SKIC3: variants seen among roughly 807,000 people sequenced by gnomAD.
SKIC3 encodes SKI3 subunit of superkiller complex.
At chr5:95,490,434 TTAAA>T in the SKIC3 span, among the ~76,000 whole-genome samples, 2 of 147,702 alleles carry the variant, frequency 1.4e-5, no homozygotes, top group African/African-American at 2.5e-5. Context: ...TATATATTCA[TTAAA>T]TAATGTATAT....
the SKIC3 span, among the ~76,000 whole-genome samples, chr5:95,475,932 G>A: frequency 6.6e-5 from 10 of 152,304 alleles, no homozygotes; most frequent in Admixed American, 1.3e-4. Flanking sequence ...TGGTGATGGC[G>A]GGGACAGGAT....
the SKIC3 span, chr5:95,478,395 C>G: frequency 1.2e-6 from 2 of 1,613,872 alleles, no homozygotes; most frequent in Non-Finnish European, 1.7e-6. Context: ...TGTAACACAT[C>G]TCTGCAGCTC....
At chr5:95,523,194 T>G in the SKIC3 span, 3 of 1,613,714 alleles carry the variant, frequency 1.9e-6, no homozygotes, top group Non-Finnish European at 2.5e-6. Flanking sequence ...TACAATAAGG[T>G]GCCTTACTCA....
chr5:95,496,018 CT>C, the SKIC3 span, among the ~76,000 whole-genome samples: 1,841 of 142,306 alleles, frequency 0.013, 18 homozygotes, highest in African/African-American at 0.029. Context: ...CAATTTCTTT[CT>C]TTTTTTTTTT....
the SKIC3 span, among the ~76,000 whole-genome samples, chr5:95,507,541 C>G: frequency 6.6e-6 from 1 of 152,104 alleles, no homozygotes; most frequent in African/African-American, 2.4e-5. Flanking sequence ...GCTCAGTTCC[C>G]TATGGGCAGG....
At chr5:95,523,683 A>C in the SKIC3 span, 1 of 1,613,680 alleles carries the variant, frequency 6.2e-7, no homozygotes, top group African/African-American at 1.3e-5. Context: ...ACTTAGGTCA[A>C]CTGCTGCAGC....
chr5:95,535,763 AC>A, the SKIC3 span, among the ~76,000 whole-genome samples: 1 of 152,082 alleles, frequency 6.6e-6, no homozygotes, highest in Non-Finnish European at 1.5e-5. Flanking sequence ...GTAGTTTTCA[AC>A]CCTTTTTTCA....
the SKIC3 span, chr5:95,517,260 C>T: frequency 6.2e-7 from 1 of 1,613,280 alleles, no homozygotes; most frequent in Non-Finnish European, 8.5e-7. Context: ...AGCATACAGA[C>T]AGGTACAAGC....
At chr5:95,494,859 G>T in the SKIC3 span, 2 of 1,594,258 alleles carry the variant, frequency 1.3e-6, no homozygotes, top group Non-Finnish European at 1.7e-6. Flanking sequence ...CTGACTAAAA[G>T]ACTCTATTTG....
chr5:95,482,683 A>C, the SKIC3 span: 1 of 1,598,622 alleles, frequency 6.3e-7, no homozygotes, highest in East Asian at 2.2e-5. Context: ...TTAAGTGTTA[A>C]AAGTAAAAAG....
chr5:95,489,813 A>T, the SKIC3 span, among the ~76,000 whole-genome samples: 2 of 152,304 alleles, frequency 1.3e-5, no homozygotes, highest in Middle Eastern at 3.4e-3. Context: ...TCTTTCTTTT[A>T]ATCTGAAGAG....
At chr5:95,524,436 T>C in the SKIC3 span, 9 of 1,611,436 alleles carry the variant, frequency 5.6e-6, no homozygotes, top group South Asian at 7.7e-5. Context: ...CCATTTCAAC[T>C]AGGAATTGAA....
At chr5:95,537,042 C>T in the SKIC3 span, 50 of 1,613,196 alleles carry the variant, frequency 3.1e-5, 1 homozygote, top group South Asian at 5.3e-4. Flanking sequence ...AATCAACTTA[C>T]TTTGGATAAA....
the SKIC3 span, chr5:95,528,917 A>T: frequency 8.3e-7 from 1 of 1,207,000 alleles, no homozygotes; most frequent in Non-Finnish European, 1.2e-6. Context: ...TTTGGTTTTT[A>T]AAAATCACTA....
At chr5:95,517,221 A>C in the SKIC3 span, 1 of 1,613,256 alleles carries the variant, frequency 6.2e-7, no homozygotes, top group African/African-American at 1.3e-5. Flanking sequence ...GACTCCTAAA[A>C]CATGAACATT....
the SKIC3 span, among the ~76,000 whole-genome samples, chr5:95,539,100 G>A: frequency 6.6e-6 from 1 of 152,150 alleles, no homozygotes; most frequent in Non-Finnish European, 1.5e-5. Context: ...AAGAGCCTCT[G>A]TGAATTTAAA....
chr5:95,513,553 G>C, the SKIC3 span: 1 of 1,610,148 alleles, frequency 6.2e-7, no homozygotes. Context: ...TCCTCAAGAA[G>C]AATGTTCAGA....
chr5:95,464,601 C>A, the SKIC3 span: 1 of 1,605,888 alleles, frequency 6.2e-7, no homozygotes, highest in Admixed American at 1.7e-5. Flanking sequence ...ATAAAATAAT[C>A]CAATGTTATT....
At chr5:95,483,228 T>C in the SKIC3 span, among the ~76,000 whole-genome samples, 1 of 152,162 alleles carries the variant, frequency 6.6e-6, no homozygotes, top group Non-Finnish European at 1.5e-5. Context: ...TGTATGTGTA[T>C]ATATTTTTAT....
Sources: gnomAD v4.1 joint callset for allele counts (sites outside exome capture counted in the v4.1 genomes callset) on GRCh38, gnomAD v4.1.1 for gene constraint, MANE v1.5 for transcripts, NCBI Gene and HGNC (gene_info 2026-07-23, HGNC 2026-07-21) for gene names.